The following CAMK2D variants were observed in gnomAD, a reference collection of about 807,000 sequenced individuals.
CAMK2D encodes the protein calcium/calmodulin-dependent protein kinase type II subunit delta.
CAMK2D carries 37 observed loss-of-function variants against 84.0 expected under a neutral mutation model. That is an observed-to-expected ratio of 0.44 (90% CI 0.34 to 0.58). The LOEUF (loss-of-function observed/expected upper bound fraction) is 0.58, where lower values mean the gene tolerates loss of function less well. Among genes scored for constraint, CAMK2D ranks in the 20% least tolerant of loss-of-function variants. CAMK2D has a pLI of 0.02. For missense variants in CAMK2D, 448 were observed against 652.5 expected (o/e 0.69, Z 3.41); for synonymous variants, 202 against 212.5 (o/e 0.95, Z 0.43).
intron 3 of CAMK2D, among the ~76,000 whole-genome samples, chr4:113,617,875 G>A (rs2099027914): frequency 6.7e-6 from 1 of 148,836 alleles, no homozygotes; most frequent in Non-Finnish European, 1.5e-5. Context: ...TCACATTAAA[G>A]GTAACTATTG....
chr4:113,670,572 A>G (rs1487801336), intron 2 of CAMK2D, among the ~76,000 whole-genome samples: 2 of 152,106 alleles, frequency 1.3e-5, no homozygotes, highest in African/African-American at 4.8e-5. Context: ...ATCAAATAGT[A>G]CTTTCCTTAG....
intron 17 of CAMK2D, among the ~76,000 whole-genome samples, chr4:113,462,792 T>C (rs2154108501): frequency 6.6e-6 from 1 of 152,254 alleles, no homozygotes; most frequent in Admixed American, 6.5e-5. Flanking sequence ...CAGAGGCAAC[T>C]TCTTTTTAAC....
chr4:113,720,364 T>TCACACACACACACA lies in CAMK2D; in HGVS notation c.160+38955_160+38956insTGTGTGTGTGTGTG, dbSNP rs1491434615. Among the ~76,000 whole-genome samples, 467 of 106,008 alleles carry TCACACACACACACA rather than the reference T, an allele frequency of 4.4e-3. 6 individuals carry two copies. The highest frequency in any genetic ancestry group is 0.017 in the African/African-American group (429 of 24,854). 69.5% of individuals were successfully genotyped at this position (106,008 alleles called of 152,430 possible). A position where few individuals can be genotyped will look rare whatever the true frequency, so the allele number is the denominator to read the frequency against. On this transcript the variant is annotated intron_variant, in intron 2 of 20. Coordinates refer to ENST00000511664, the MANE Select transcript of CAMK2D (RefSeq NM_001321571.2). ...TGGTAAAGAAAATCAACAATCACAT[T>TCACACACACACACA]CTCACACACACACACACACACACAC...
intron 6 of CAMK2D, among the ~76,000 whole-genome samples, chr4:113,546,795 T>C (rs1256701770): frequency 6.6e-6 from 1 of 152,194 alleles, no homozygotes; most frequent in Non-Finnish European, 1.5e-5. Flanking sequence ...TAGGCTTCAC[T>C]ATTTTTCTGA....
chr4:113,731,385 A>G (rs2148779432), intron 2 of CAMK2D, among the ~76,000 whole-genome samples: 1 of 152,298 alleles, frequency 6.6e-6, no homozygotes, highest in Non-Finnish European at 1.5e-5. Flanking sequence ...ATAATGTCAA[A>G]AAGTTTGAGT....
intron 4 of CAMK2D, among the ~76,000 whole-genome samples, chr4:113,571,353 C>T (rs1030718355): frequency 2.6e-5 from 4 of 152,130 alleles, no homozygotes; most frequent in African/African-American, 9.7e-5. Flanking sequence ...ATACTCACTG[C>T]AGCATTAACA....
intron 6 of CAMK2D, among the ~76,000 whole-genome samples, chr4:113,538,344 T>C (rs1343640889): frequency 3.3e-5 from 5 of 152,160 alleles, no homozygotes; most frequent in Admixed American, 3.3e-4. Context: ...TCAATTTCCA[T>C]GAATCGCCTT....
intron 2 of CAMK2D, among the ~76,000 whole-genome samples, chr4:113,711,328 G>A (rs185318861): frequency 1.3e-5 from 2 of 151,852 alleles, no homozygotes; most frequent in East Asian, 3.9e-4. Flanking sequence ...CATGCACATA[G>A]ATAATGCCAC....
chr4:113,451,298 C>T lies in CAMK2D; in HGVS notation c.*3247G>A, dbSNP rs147400503. 6.6e-6 allele frequency: 1 copy of T among 152,142 alleles called. No homozygotes were observed. The highest frequency in any genetic ancestry group is 2.4e-5 in the African/African-American group (1 of 41,440). 9.4% of individuals were successfully genotyped at this position (152,142 alleles called of 1,614,324 possible). A position where few individuals can be genotyped will look rare whatever the true frequency, so the allele number is the denominator to read the frequency against. ...ATCCTCAGCATTAACAGTAAACCTACATAAAGAGGGCAGCCCAACAGCAAA... is the reference window on the plus strand; with the variant it reads ...ATCCTCAGCATTAACAGTAAACCTATATAAAGAGGGCAGCCCAACAGCAAA... On this transcript the variant is annotated 3_prime_UTR_variant, in exon 21 of 21. Coordinates refer to ENST00000511664, the MANE Select transcript of CAMK2D (RefSeq NM_001321571.2).
rs1393489293 is a variant in CAMK2D at position 113,729,378 on chromosome 4, AT to A, written c.160+29941del. 5.3e-5 allele frequency among the ~76,000 whole-genome samples: 8 copies of A among 152,216 alleles called. No homozygotes were observed. In the South Asian group the frequency reaches 1.0e-3, roughly 20 times the overall value. The stretch of plus-strand genomic sequence containing the variant: ...GACATAGCTTTTGCTTACCAATCCA[AT>A]TTCAGTTATGCTCTTCCACCCTCAC... On this transcript the variant is annotated intron_variant, in intron 2 of 20. Coordinates refer to ENST00000511664, the MANE Select transcript of CAMK2D (RefSeq NM_001321571.2).
chr4:113,486,340 G>T (rs1160982308), intron 16 of CAMK2D, among the ~76,000 whole-genome samples: 1 of 151,960 alleles, frequency 6.6e-6, no homozygotes, highest in Non-Finnish European at 1.5e-5. Context: ...GCCGAGGCTG[G>T]TCTCAAACTC....
chr4:113,635,479 C>T lies in CAMK2D; in HGVS notation c.220+26234G>A, dbSNP rs998950837. ...TGAAGTAGTCTTATTTCCAGCTTTA[C>T]AGACTTATTTTCAGAAAAAGGAAGG... On this transcript the variant is annotated intron_variant, in intron 3 of 20. Coordinates refer to ENST00000511664, the MANE Select transcript of CAMK2D (RefSeq NM_001321571.2). Among the ~76,000 whole-genome samples the T allele has an allele frequency of 3.9e-5, 6 of 152,236 alleles. No individual in the cohort carries two copies. The South Asian group carries it at 1.0e-3, about 26-fold the overall frequency.
At chr4:113,628,737 A>AT (rs2099077621) in intron 3 of CAMK2D, among the ~76,000 whole-genome samples, 1 of 151,978 alleles carries the variant, frequency 6.6e-6, no homozygotes, top group Non-Finnish European at 1.5e-5. Flanking sequence ...GGTAAAGGTA[A>AT]TTTTTTTTCC....
At chr4:113,698,546 CT>C (rs1485275378) in intron 2 of CAMK2D, among the ~76,000 whole-genome samples, 1 of 152,080 alleles carries the variant, frequency 6.6e-6, no homozygotes, top group Non-Finnish European at 1.5e-5. Flanking sequence ...ATCTTACACA[CT>C]TTTATTTTCT....
At chr4:113,496,365 CT>C (rs1316055538) in intron 16 of CAMK2D, among the ~76,000 whole-genome samples, 7 of 150,996 alleles carry the variant, frequency 4.6e-5, no homozygotes, top group Non-Finnish European at 8.8e-5. Context: ...AAGAAGAAAA[CT>C]TTTTTTCTTA....
chr4:113,658,537 A>G (rs1396831059), intron 3 of CAMK2D, among the ~76,000 whole-genome samples: 1 of 152,126 alleles, frequency 6.6e-6, no homozygotes, highest in Non-Finnish European at 1.5e-5. Flanking sequence ...TAAAACTGGA[A>G]TACCCCAACA....
At chr4:113,514,016 C>T (rs1453272147) in intron 10 of CAMK2D, 103 bp from the exon 11 acceptor site, 2 of 552,216 alleles carry the variant, frequency 3.6e-6, no homozygotes, top group Non-Finnish European at 6.4e-6. Flanking sequence ...GGTGCTGCAC[C>T]TGCAGGATCA....
intron 4 of CAMK2D, among the ~76,000 whole-genome samples, chr4:113,579,556 C>A (rs937662942): frequency 6.6e-6 from 1 of 152,104 alleles, no homozygotes; most frequent in African/African-American, 2.4e-5. Context: ...TTAAAAGACC[C>A]TGGTACTTCT....
At chr4:113,668,539 T>C (rs1250415489) in intron 2 of CAMK2D, among the ~76,000 whole-genome samples, 1 of 152,188 alleles carries the variant, frequency 6.6e-6, no homozygotes, top group Non-Finnish European at 1.5e-5. Context: ...AAGAACTAAA[T>C]TCCTAAAAGC....
Sources: gnomAD v4.1 joint callset for allele counts (sites outside exome capture counted in the v4.1 genomes callset) on GRCh38, gnomAD v4.1.1 for gene constraint, MANE v1.5 for transcripts, NCBI Gene and HGNC (gene_info 2026-07-23, HGNC 2026-07-21) for gene names.